The following ARHGEF4 variants were observed in gnomAD, a reference collection of about 807,000 sequenced individuals.
ARHGEF4 encodes Rho guanine nucleotide exchange factor 4.
In ARHGEF4, 119 loss-of-function variants were observed where a neutral mutation model predicts 162.0. That is an observed-to-expected ratio of 0.73 (90% CI 0.63 to 0.86). ARHGEF4 has a LOEUF of 0.86. Among genes scored for constraint, ARHGEF4 ranks in the 40% least tolerant of loss-of-function variants. ARHGEF4 has a pLI of 0.00. For missense variants in ARHGEF4, 2,488 were observed against 2,456.0 expected, an observed-to-expected ratio of 1.01 and a Z score of -0.28; for synonymous variants, 1,014 against 979.9, an observed-to-expected ratio of 1.03 and a Z score of -0.65.
At chr2:130,892,064 C>G (rs894888982) in intron 1 of ARHGEF4, among the ~76,000 whole-genome samples, 1 of 152,162 alleles carries the variant, frequency 6.6e-6, no homozygotes, top group Non-Finnish European at 1.5e-5. Context: ...GGTGCAAGTG[C>G]TCCTCCTACC....
chr2:131,008,723 T>C (rs1688278048), intron 4 of ARHGEF4, among the ~76,000 whole-genome samples: 1 of 152,156 alleles, frequency 6.6e-6, no homozygotes, highest in African/African-American at 2.4e-5. Context: ...AAGATTATTT[T>C]ATATATACAT....
intron 4 of ARHGEF4, among the ~76,000 whole-genome samples, chr2:130,988,296 C>G (rs979387883): frequency 6.6e-6 from 1 of 152,158 alleles, no homozygotes; most frequent in African/African-American, 2.4e-5. Context: ...GAAGACCAGA[C>G]TCACAGCTCC....
At chr2:130,926,574 A>G (rs1313362519) in intron 2 of ARHGEF4, among the ~76,000 whole-genome samples, 2 of 152,104 alleles carry the variant, frequency 1.3e-5, no homozygotes, top group Non-Finnish European at 1.5e-5. Flanking sequence ...GCACTACCTC[A>G]TTATTTCCAG....
intron 5 of ARHGEF4, among the ~76,000 whole-genome samples, chr2:131,036,329 G>C (rs1292506121): frequency 6.6e-6 from 1 of 152,236 alleles, no homozygotes; most frequent in Admixed American, 6.5e-5. Flanking sequence ...CCGAGTGGGA[G>C]GCTGTGCAGA....
At chr2:130,970,846 T>A (rs971784093) in intron 4 of ARHGEF4, among the ~76,000 whole-genome samples, 1 of 152,208 alleles carries the variant, frequency 6.6e-6, no homozygotes, top group Non-Finnish European at 1.5e-5. Flanking sequence ...TTGCAAATAT[T>A]TATTCTAGTC....
At chr2:130,875,954 CTTT>C (rs1678806097) in intron 1 of ARHGEF4, among the ~76,000 whole-genome samples, 1 of 152,218 alleles carries the variant, frequency 6.6e-6, no homozygotes, top group South Asian at 2.1e-4. Context: ...GCCCATTCTT[CTTT>C]GGCTCTCTTT....
At chr2:130,929,315 G>A (rs931797149) in intron 2 of ARHGEF4, among the ~76,000 whole-genome samples, 7 of 152,160 alleles carry the variant, frequency 4.6e-5, no homozygotes, top group Non-Finnish European at 1.0e-4. Context: ...TTCCCAGGCT[G>A]TACCCCAAAA....
intron 4 of ARHGEF4, among the ~76,000 whole-genome samples, chr2:130,992,314 T>C (rs1050462363): frequency 1.2e-4 from 18 of 152,020 alleles, no homozygotes; most frequent in African/African-American, 2.7e-4. Context: ...TGTGGAAGCT[T>C]TATTCTTTCG....
In ARHGEF4 at chr2:131,041,250, C is replaced by T; in HGVS notation, c.4683C>T (p.Tyr1561=). ...FLEHQADFQI[Y]SEYCNNHPNA... ...CTTAGCAAGCCGACTTCCAGATCTA[C>T]TCGGAGTACTGCAATAACCACCCCA... The change falls in exon 9 of 14, where the codon TAC becomes TAT. Residue 1561 remains tyrosine (Y), a synonymous_variant. Coordinates refer to ENST00000409359, the MANE Select transcript of ARHGEF4 (RefSeq NM_001367493.1). The T allele has an allele frequency of 6.2e-7, 1 of 1,613,740 alleles. No individual in the cohort carries two copies. Among genetic ancestry groups the T allele is most frequent in the Non-Finnish European group, 8.5e-7 (1 of 1,179,950 alleles).
At chr2:130,894,475 G>C (rs1209209660) in intron 1 of ARHGEF4, among the ~76,000 whole-genome samples, 3 of 152,264 alleles carry the variant, frequency 2.0e-5, no homozygotes, top group Non-Finnish European at 2.9e-5. Context: ...CAAGCACGGA[G>C]ACACCTGGAC....
intron 1 of ARHGEF4, among the ~76,000 whole-genome samples, chr2:130,883,254 T>C (rs2104965441): frequency 6.6e-6 from 1 of 152,180 alleles, no homozygotes; most frequent in Non-Finnish European, 1.5e-5. Context: ...CCAGTGGGCA[T>C]GGGGCCTCTC....
chr2:130,959,950 CT>C (rs1684534411), intron 4 of ARHGEF4, among the ~76,000 whole-genome samples: 1 of 152,198 alleles, frequency 6.6e-6, no homozygotes, highest in South Asian at 2.1e-4. Flanking sequence ...CATTGACCAC[CT>C]TCACATCATC....
chr2:130,963,160 C>A (rs1429970250), intron 4 of ARHGEF4, among the ~76,000 whole-genome samples: 1 of 152,216 alleles, frequency 6.6e-6, no homozygotes. Context: ...CTGTAAAACC[C>A]GGTCACTGAA....
intron 4 of ARHGEF4, among the ~76,000 whole-genome samples, chr2:131,027,022 C>CGTGCTCCTTA (rs1190433241): frequency 5.9e-5 from 9 of 152,180 alleles, no homozygotes; most frequent in African/African-American, 2.2e-4. Flanking sequence ...AGGAAAACAA[C>CGTGCTCCTTA]GTGCTCCTTA....
intron 4 of ARHGEF4, among the ~76,000 whole-genome samples, chr2:130,988,719 A>C (rs1317203015): frequency 2.6e-5 from 4 of 152,212 alleles, no homozygotes; most frequent in Non-Finnish European, 5.9e-5. Context: ...TTTCATGGCT[A>C]CATGTTAGTC....
chr2:130,982,554 TTC>T, intron 4 of ARHGEF4, among the ~76,000 whole-genome samples: 1 of 151,960 alleles, frequency 6.6e-6, no homozygotes, highest in East Asian at 1.9e-4. Context: ...TCCTTCTTTT[TTC>T]GCCTCCTCCT....
At position 130,917,284 on chromosome 2, in the gene ARHGEF4, G is replaced by T. The variant is rs1291914208; in HGVS notation, c.3338G>T (p.Ser1113Ile). 1 of 1,550,576 alleles carries T rather than the reference G, an allele frequency of 6.4e-7. No homozygotes were observed. The highest frequency in any genetic ancestry group is 1.4e-5 in the African/African-American group (1 of 73,180). ...GGTCTCCACTACCCCGGGAGGGGTAGCGCCATCTCCATGGTTTCTCTTGGA... is the reference window on the plus strand; with the variant it reads ...GGTCTCCACTACCCCGGGAGGGGTATCGCCATCTCCATGGTTTCTCTTGGA... Reference protein sequence around the residue: ...RMGLHYPGRGSAISMVSLGSY... With the variant: ...RMGLHYPGRGIAISMVSLGSY... The change falls in exon 2 of 14, where the codon AGC (serine) becomes ATC (isoleucine). Residue 1113 changes from serine to isoleucine, a missense_variant. Physicochemically the swap from Ser to Ile is moderately radical, Grantham distance 142. Transcript: ENST00000409359.
At chr2:130,960,905 C>A (rs964080654) in intron 4 of ARHGEF4, among the ~76,000 whole-genome samples, 1 of 152,104 alleles carries the variant, frequency 6.6e-6, no homozygotes, top group Admixed American at 6.6e-5. Flanking sequence ...GAGCAGGAGA[C>A]CTGATTCAAA....
intron 4 of ARHGEF4, chr2:130,963,564 G>C (rs1684765491): frequency 7.2e-6 from 1 of 138,180 alleles, no homozygotes; most frequent in Non-Finnish European, 1.6e-5. Flanking sequence ...ACACGCGTGC[G>C]GACACAGGTG....
Sources: allele counts gnomAD v4.1 joint callset (sites outside exome capture counted in the v4.1 genomes callset), GRCh38; gene constraint gnomAD v4.1.1; transcripts MANE v1.5; gene names NCBI Gene and HGNC (gene_info 2026-07-23, HGNC 2026-07-21).